The following DLC1 variants were observed in gnomAD, a reference collection of about 807,000 sequenced individuals.
DLC1 encodes the protein rho GTPase-activating protein 7.
Under a neutral mutation model 140.3 loss-of-function variants are expected in DLC1, and 54 were observed. The observed-to-expected ratio is 0.38, with a 90% confidence interval of 0.31 to 0.48. DLC1 has a LOEUF of 0.48. DLC1 is among the 20% of genes least tolerant of loss of function. The probability of loss-of-function intolerance (pLI) is 0.96; values close to 1 mark genes in which losing one functional copy is unlikely to be tolerated. For missense variants in DLC1, 2,536 were observed against 1,907.0 expected (o/e 1.33, Z -6.14); for synonymous variants, 986 against 728.1 (o/e 1.35, Z -5.70).
intron 4 of DLC1, among the ~76,000 whole-genome samples, chr8:13,391,148 T>G (rs1161577398): frequency 6.6e-6 from 1 of 151,994 alleles, no homozygotes; most frequent in African/African-American, 2.4e-5. Flanking sequence ...TACTAAATTA[T>G]AGTCCAGTAG....
chr8:13,115,517 G>C (rs1052161807), intron 6 of DLC1, 69 bp downstream of exon 6: 2 of 1,371,686 alleles, frequency 1.5e-6, no homozygotes, highest in Admixed American at 3.9e-5. Flanking sequence ...ATAAGTCATA[G>C]ATCAGTAATA....
intron 1 of DLC1, among the ~76,000 whole-genome samples, chr8:13,592,102 C>G (rs1805534414): frequency 6.6e-6 from 1 of 152,014 alleles, no homozygotes; most frequent in Admixed American, 6.6e-5. Flanking sequence ...GGCCCCAGGA[C>G]AGTCCAGCGT....
intron 5 of DLC1, among the ~76,000 whole-genome samples, chr8:13,164,074 A>T (rs1054960072): frequency 6.6e-6 from 1 of 152,132 alleles, no homozygotes; most frequent in Non-Finnish European, 1.5e-5. Flanking sequence ...AGGCGGGCGG[A>T]TCACCTGAGG....
chr8:13,471,471 T>TGAAGGAAG (rs746428021), intron 2 of DLC1, among the ~76,000 whole-genome samples: 1 of 116,562 alleles, frequency 8.6e-6, no homozygotes, highest in Non-Finnish European at 1.6e-5. Context: ...AAGGAAGGAA[T>TGAAGGAAG]GAAGGAAGGA....
intron 4 of DLC1, among the ~76,000 whole-genome samples, chr8:13,386,901 A>T (rs1836548880): frequency 1.3e-5 from 2 of 152,090 alleles, no homozygotes; most frequent in Non-Finnish European, 2.9e-5. Flanking sequence ...AACAGAAGCA[A>T]ATCTTTCTTT....
chr8:13,110,641 A>C, intron 7 of DLC1, 101 bp downstream of exon 7: 1 of 1,138,518 alleles, frequency 8.8e-7, no homozygotes, highest in Non-Finnish European at 1.3e-6. Context: ...TAAAAACCTA[A>C]CACAATTAGC....
chr8:13,352,352 T>G (rs1318615785), intron 4 of DLC1, among the ~76,000 whole-genome samples: 1 of 152,188 alleles, frequency 6.6e-6, no homozygotes, highest in Non-Finnish European at 1.5e-5. Flanking sequence ...AATTTAAATG[T>G]ATTATTTTAT....
At chr8:13,520,860 G>A (rs544815458) in intron 1 of DLC1, among the ~76,000 whole-genome samples, 2 of 152,000 alleles carry the variant, frequency 1.3e-5, no homozygotes, top group Non-Finnish European at 2.9e-5. Context: ...TACTTAAGCT[G>A]ACATCACCAT....
At chr8:13,422,407 T>A (rs981688383) in intron 2 of DLC1, among the ~76,000 whole-genome samples, 1 of 152,134 alleles carries the variant, frequency 6.6e-6, no homozygotes. Context: ...GATTGCTTTT[T>A]TTTTTTCTTA....
upstream of DLC1, among the ~76,000 whole-genome samples, chr8:13,517,024 T>G (rs2117275032): frequency 6.6e-6 from 1 of 152,324 alleles, no homozygotes; most frequent in Non-Finnish European, 1.5e-5. Flanking sequence ...AGTTTCTCTT[T>G]AAAAATAGAG....
At chr8:13,402,690 A>G (rs1025901467) in intron 2 of DLC1, among the ~76,000 whole-genome samples, 2 of 152,204 alleles carry the variant, frequency 1.3e-5, no homozygotes, top group African/African-American at 2.4e-5. Flanking sequence ...CTATCAGTAC[A>G]GTGATTGCAG....
chr8:13,580,097 C>A (rs554095566), intron 1 of DLC1, among the ~76,000 whole-genome samples: 1 of 149,514 alleles, frequency 6.7e-6, no homozygotes, highest in African/African-American at 2.5e-5. Context: ...TGCCAATTAT[C>A]AGCTTCTAAT....
At chr8:13,195,077 G>A (rs1826972759) in intron 5 of DLC1, among the ~76,000 whole-genome samples, 1 of 152,160 alleles carries the variant, frequency 6.6e-6, no homozygotes, top group Non-Finnish European at 1.5e-5. Flanking sequence ...CAAATACACT[G>A]AGAAAATTAC....
chr8:13,119,825 T>C (rs1165833714), intron 5 of DLC1, among the ~76,000 whole-genome samples: 1 of 151,630 alleles, frequency 6.6e-6, no homozygotes, highest in Non-Finnish European at 1.5e-5. Context: ...TTTCTGCCTG[T>C]ATTCGCAGCT....
At chr8:13,353,730 G>A (rs12675775) in intron 4 of DLC1, among the ~76,000 whole-genome samples, 124,068 of 151,894 alleles carry the variant, frequency 0.82, 50,929 homozygotes, top group East Asian at 0.97. Flanking sequence ...GTTGGCAGGT[G>A]CCTGTAAACC....
At chr8:13,183,917 A>T (rs1826190018) in intron 5 of DLC1, among the ~76,000 whole-genome samples, 1 of 152,320 alleles carries the variant, frequency 6.6e-6, no homozygotes, top group South Asian at 2.1e-4. Context: ...TACTTCTGGT[A>T]GAATTTGGCT....
chr8:13,589,145 A>C (rs2117468015), intron 1 of DLC1, among the ~76,000 whole-genome samples: 1 of 152,234 alleles, frequency 6.6e-6, no homozygotes, highest in Non-Finnish European at 1.5e-5. Context: ...ATTCTTCATT[A>C]GGCTATCCTT....
At chr8:13,410,198 C>A (rs1373064684) in intron 2 of DLC1, among the ~76,000 whole-genome samples, 7 of 152,010 alleles carry the variant, frequency 4.6e-5, no homozygotes, top group African/African-American at 1.4e-4. Context: ...ATTAAAAAAA[C>A]CTCTTTTAAG....
chr8:13,263,220 A>G (rs1220313991), intron 5 of DLC1, among the ~76,000 whole-genome samples: 2 of 152,090 alleles, frequency 1.3e-5, no homozygotes, highest in Non-Finnish European at 1.5e-5. Context: ...GAGGGAGGAA[A>G]TATTGTGTTA....
Sources: allele counts gnomAD v4.1 joint callset (sites outside exome capture counted in the v4.1 genomes callset), GRCh38; gene constraint gnomAD v4.1.1; transcripts MANE v1.5; gene names NCBI Gene and HGNC (gene_info 2026-07-23, HGNC 2026-07-21).